The following PALLD variants were observed in gnomAD, a reference collection of about 807,000 sequenced individuals.
The protein encoded by PALLD is palladin, cytoskeletal associated protein.
PALLD carries 61 observed loss-of-function variants against 123.5 expected under a neutral mutation model. The ratio of observed to expected loss-of-function variants is 0.49; its 90% CI spans 0.40 to 0.61. The LOEUF (loss-of-function observed/expected upper bound fraction) is 0.61, where lower values mean the gene tolerates loss of function less well. Among genes scored for constraint, PALLD ranks in the 20% least tolerant of loss-of-function variants. The pLI is 0.00. For synonymous variants in PALLD, 465 were observed against 496.4 expected (o/e 0.94, Z 0.84); for missense variants, 1,273 against 1,377.0 (o/e 0.92, Z 1.20).
At chr4:168,739,001 C>G (rs890524904) in intron 10 of PALLD, among the ~76,000 whole-genome samples, 6 of 152,094 alleles carry the variant, frequency 3.9e-5, no homozygotes, top group African/African-American at 1.4e-4. Flanking sequence ...TTTTAGTTCC[C>G]ATGTATGAGT....
intron 2 of PALLD, among the ~76,000 whole-genome samples, chr4:168,592,926 G>A (rs150650464): frequency 1.1e-3 from 169 of 152,004 alleles, no homozygotes; most frequent in African/African-American, 3.9e-3. Context: ...AGAGACCTAC[G>A]TGTCTAGAAC....
At chr4:168,825,820 A>G (rs991506633) in intron 10 of PALLD, among the ~76,000 whole-genome samples, 1 of 152,180 alleles carries the variant, frequency 6.6e-6, no homozygotes, top group Non-Finnish European at 1.5e-5. Context: ...AATGCGACAC[A>G]AGATTCCTTG....
chr4:168,902,095 T>C (rs898771495), intron 14 of PALLD, among the ~76,000 whole-genome samples: 3 of 152,224 alleles, frequency 2.0e-5, no homozygotes, highest in African/African-American at 7.2e-5. Flanking sequence ...ATATTTCTGG[T>C]CTTTTCCTTT....
Position 168,675,551 on chromosome 4 carries a change from C to A in PALLD, c.1088-5781C>A, listed in dbSNP as rs567526535. Among the ~76,000 whole-genome samples the A allele has an allele frequency of 1.1e-4, 17 of 152,226 alleles. No homozygotes were observed. The South Asian group carries it at 3.5e-3, about 32-fold the overall frequency. ...AACCAGTTTAACTTTGGCCATTCTT[C>A]GTGTTATCTATTTTAAAATAACCTT... On this transcript the variant is annotated intron_variant, in intron 3 of 21. Coordinates refer to ENST00000505667, the MANE Select transcript of PALLD (RefSeq NM_001166108.2).
chr4:168,842,404 T>C (rs1746160843), intron 10 of PALLD, among the ~76,000 whole-genome samples: 1 of 152,216 alleles, frequency 6.6e-6, no homozygotes, highest in Non-Finnish European at 1.5e-5. Context: ...GATGTTTTCC[T>C]TGGCCATCCA....
At chr4:168,641,004 C>A (rs1337896536) in intron 2 of PALLD, among the ~76,000 whole-genome samples, 1 of 152,080 alleles carries the variant, frequency 6.6e-6, no homozygotes, top group Non-Finnish European at 1.5e-5. Context: ...GTCAGGAGAT[C>A]GAGACCATCC....
chr4:168,567,780 T>C (rs1048040722), intron 2 of PALLD, among the ~76,000 whole-genome samples: 4 of 151,636 alleles, frequency 2.6e-5, no homozygotes, highest in Admixed American at 6.6e-5. Context: ...TGGAATAATA[T>C]ACAATGGAGA....
At chr4:168,876,582 G>C (rs575918790) in intron 10 of PALLD, among the ~76,000 whole-genome samples, 1 of 152,196 alleles carries the variant, frequency 6.6e-6, no homozygotes, top group African/African-American at 2.4e-5. Context: ...AGAAGACACA[G>C]GACAGAGTTT....
At chr4:168,517,490 A>G (rs1763101922) in intron 2 of PALLD, among the ~76,000 whole-genome samples, 1 of 152,318 alleles carries the variant, frequency 6.6e-6, no homozygotes, top group East Asian at 1.9e-4. Context: ...AATGCCTCCA[A>G]TTAGTTTACA....
chr4:168,534,758 C>T (rs1764935164), intron 2 of PALLD, among the ~76,000 whole-genome samples: 2 of 152,188 alleles, frequency 1.3e-5, no homozygotes, highest in Non-Finnish European at 2.9e-5. Flanking sequence ...ATGACAGCCA[C>T]AGGGGCACCA....
At chr4:168,898,957 C>T (rs1755854861) in intron 14 of PALLD, among the ~76,000 whole-genome samples, 1 of 152,182 alleles carries the variant, frequency 6.6e-6, no homozygotes, top group South Asian at 2.1e-4. Context: ...GAGCTCTTCA[C>T]ACACCTATAT....
At chr4:168,514,744 A>G (rs1762838563) in intron 2 of PALLD, among the ~76,000 whole-genome samples, 1 of 152,208 alleles carries the variant, frequency 6.6e-6, no homozygotes. Context: ...TTCCACCTAC[A>G]TTTACTTCCA....
At chr4:168,621,963 G>A (rs759121976) in intron 2 of PALLD, among the ~76,000 whole-genome samples, 1 of 152,126 alleles carries the variant, frequency 6.6e-6, no homozygotes, top group African/African-American at 2.4e-5. Flanking sequence ...GGCACCCTAG[G>A]GTTTGTATTT....
chr4:168,797,426 A>G (rs1417122955), intron 10 of PALLD, among the ~76,000 whole-genome samples: 1 of 152,030 alleles, frequency 6.6e-6, no homozygotes, highest in Non-Finnish European at 1.5e-5. Context: ...TCATCATCCC[A>G]CGCAGGGAGT....
At chr4:168,879,735 C>A (rs980917297) in intron 10 of PALLD, among the ~76,000 whole-genome samples, 1 of 152,174 alleles carries the variant, frequency 6.6e-6, no homozygotes, top group African/African-American at 2.4e-5. Flanking sequence ...GGGTGAAACA[C>A]AGTCCAATGA....
intron 10 of PALLD, among the ~76,000 whole-genome samples, chr4:168,770,456 T>C (rs1445323191): frequency 2.0e-5 from 3 of 152,164 alleles, no homozygotes; most frequent in African/African-American, 7.2e-5. Context: ...CTTATGGAGA[T>C]GGGCCTGATA....
intron 6 of PALLD, among the ~76,000 whole-genome samples, chr4:168,686,869 G>C (rs1782111744): frequency 6.6e-6 from 1 of 152,210 alleles, no homozygotes; most frequent in Non-Finnish European, 1.5e-5. Flanking sequence ...TGTCCTATAA[G>C]ATAGCAAGAC....
At chr4:168,518,195 C>T (rs1185906697) in intron 2 of PALLD, among the ~76,000 whole-genome samples, 1 of 152,118 alleles carries the variant, frequency 6.6e-6, no homozygotes, top group South Asian at 2.1e-4. Context: ...GCTGGCACCA[C>T]CTTTAATGTC....
At chr4:168,910,746 G>C (rs1007997692) in intron 15 of PALLD, among the ~76,000 whole-genome samples, 1 of 152,154 alleles carries the variant, frequency 6.6e-6, no homozygotes, top group African/African-American at 2.4e-5. Flanking sequence ...TCACCTGTAA[G>C]GGACAGCAGA....
Sources: gnomAD v4.1 joint callset for allele counts (sites outside exome capture counted in the v4.1 genomes callset) on GRCh38, gnomAD v4.1.1 for gene constraint, MANE v1.5 for transcripts, NCBI Gene and HGNC (gene_info 2026-07-23, HGNC 2026-07-21) for gene names.